Variants in SRGAP3 observed in about 807,000 individuals in gnomAD.
The protein encoded by SRGAP3 is SLIT-ROBO Rho GTPase activating protein 3.
In SRGAP3, 39 loss-of-function variants were observed where a neutral mutation model predicts 121.1. The ratio of observed to expected loss-of-function variants is 0.32; its 90% CI spans 0.25 to 0.42. The LOEUF is 0.42. Ranked by LOEUF, SRGAP3 falls within the 10% of genes least tolerant of loss-of-function variation. The probability of loss-of-function intolerance (pLI) is 1.00; values close to 1 mark genes in which losing one functional copy is unlikely to be tolerated. For synonymous variants in SRGAP3, 601 were observed against 570.0 expected (o/e 1.05, Z -0.77); for missense variants, 1,213 against 1,470.6 (o/e 0.82, Z 2.86).
At chr3:9,282,694 C>G (rs1434725482) in intron 3 of SRGAP3, among the ~76,000 whole-genome samples, 1 of 151,882 alleles carries the variant, frequency 6.6e-6, no homozygotes, top group Non-Finnish European at 1.5e-5. Flanking sequence ...TTTGGCCAAG[C>G]TGGTCTCGAA....
intron 1 of SRGAP3, among the ~76,000 whole-genome samples, chr3:9,237,657 C>T (rs1574921248): frequency 6.6e-6 from 1 of 152,150 alleles, no homozygotes; most frequent in Non-Finnish European, 1.5e-5. Flanking sequence ...AGTGCAAAGG[C>T]CCAAAGCAAG....
intron 3 of SRGAP3, chr3:9,257,651 G>T (rs1157002026): frequency 7.0e-6 from 1 of 143,448 alleles, no homozygotes; most frequent in East Asian, 2.1e-4. Context: ...GCTATAAATA[G>T]ATGATTTTTA....
At chr3:9,300,374 C>T (rs187698803) in intron 3 of SRGAP3, among the ~76,000 whole-genome samples, 3 of 151,598 alleles carry the variant, frequency 2.0e-5, no homozygotes, top group African/African-American at 7.3e-5. Flanking sequence ...CTTTACCCAC[C>T]TTGCCTGCCT....
chr3:9,007,323 T>C (rs532474252), intron 18 of SRGAP3: 1 of 152,292 alleles, frequency 6.6e-6, no homozygotes, highest in East Asian at 1.9e-4. Flanking sequence ...AACTAAATTG[T>C]TCCTGCAATT....
chr3:9,243,248 G>C (rs1953710259), intron 1 of SRGAP3, among the ~76,000 whole-genome samples: 1 of 152,166 alleles, frequency 6.6e-6, no homozygotes, highest in African/African-American at 2.4e-5. Context: ...AGAAGTATTT[G>C]AGGCAAATAG....
At chr3:9,320,026 A>G (rs545210958) in intron 3 of SRGAP3, among the ~76,000 whole-genome samples, 1 of 151,990 alleles carries the variant, frequency 6.6e-6, no homozygotes, top group East Asian at 1.9e-4. Context: ...GTTCATGCCA[A>G]CTGGCTGGGT....
chr3:9,163,192 G>C (rs959125633), intron 1 of SRGAP3, among the ~76,000 whole-genome samples: 2 of 152,174 alleles, frequency 1.3e-5, no homozygotes, highest in African/African-American at 4.8e-5. Flanking sequence ...GAGATCAAGA[G>C]GGATGGAGCC....
intron 2 of SRGAP3, among the ~76,000 whole-genome samples, chr3:9,327,940 C>G (rs188209455): frequency 6.6e-6 from 1 of 152,324 alleles, no homozygotes; most frequent in Admixed American, 6.5e-5. Flanking sequence ...TCATAACCTT[C>G]TTTGCATAGT....
chr3:9,258,959 T>A (rs1954193674), intron 3 of SRGAP3, among the ~76,000 whole-genome samples: 1 of 152,208 alleles, frequency 6.6e-6, no homozygotes. Flanking sequence ...TCCTCGCACT[T>A]AAGAGTTGAA....
intron 1 of SRGAP3, among the ~76,000 whole-genome samples, chr3:9,152,652 C>A (rs1950252794): frequency 6.6e-6 from 1 of 152,198 alleles, no homozygotes; most frequent in South Asian, 2.1e-4. Flanking sequence ...GCTTCCAGTT[C>A]CATCACCAGG....
chr3:9,357,303 A>G (rs1210491687), intron 1 of SRGAP3, among the ~76,000 whole-genome samples: 1 of 152,098 alleles, frequency 6.6e-6, no homozygotes, highest in Non-Finnish European at 1.5e-5. Flanking sequence ...TTCTGTCTCT[A>G]TATATTTGCC....
chr3:9,255,770 A>G (rs1954119027), intron 3 of SRGAP3, among the ~76,000 whole-genome samples: 1 of 152,154 alleles, frequency 6.6e-6, no homozygotes. Context: ...TAACGAAAAC[A>G]ATGCAGGAAA....
intron 10 of SRGAP3, 51 bp downstream of exon 10, chr3:9,047,340 A>G (rs1945337744): frequency 6.4e-7 from 1 of 1,573,724 alleles, no homozygotes; most frequent in Non-Finnish European, 8.7e-7. Context: ...CCACAGTGAG[A>G]GCCAGTGGGG....
chr3:9,013,870 G>A (rs755071903), intron 15 of SRGAP3, 28 bp from the exon 16 acceptor site: 29 of 1,600,058 alleles, frequency 1.8e-5, no homozygotes, highest in Non-Finnish European at 2.1e-5. Flanking sequence ...CTTTCAGCGT[G>A]CCTTTCATCC....
intron 3 of SRGAP3, 32 bp from the exon 4 acceptor site, chr3:9,080,119 G>C (rs368000548): frequency 1.0e-4 from 165 of 1,612,334 alleles, no homozygotes; most frequent in Admixed American, 2.5e-4. Flanking sequence ...GTCAGCGGGG[G>C]AGAAGTTTGC....
intron 10 of SRGAP3, among the ~76,000 whole-genome samples, chr3:9,041,098 T>C (rs1944990184): frequency 1.3e-5 from 2 of 152,252 alleles, no homozygotes; most frequent in South Asian, 4.1e-4. Flanking sequence ...GATTACACGA[T>C]AGTGTAATAA....
At chr3:9,265,750 A>G (rs1353674548) in intron 3 of SRGAP3, among the ~76,000 whole-genome samples, 1 of 149,238 alleles carries the variant, frequency 6.7e-6, no homozygotes, top group Non-Finnish European at 1.5e-5. Flanking sequence ...GTGGAGAAAT[A>G]AGAACACTTT....
chr3:9,002,123 C>A (rs1412708028), intron 18 of SRGAP3, among the ~76,000 whole-genome samples: 1 of 152,112 alleles, frequency 6.6e-6, no homozygotes, highest in East Asian at 1.9e-4. Context: ...TTTCTAACTG[C>A]ACATGGAACG....
intron 3 of SRGAP3, among the ~76,000 whole-genome samples, chr3:9,104,301 C>A (rs978235734): frequency 6.6e-6 from 1 of 152,170 alleles, no homozygotes; most frequent in African/African-American, 2.4e-5. Context: ...CGTTTGTACA[C>A]GAGAAATTCC....
Sources: gnomAD v4.1 joint callset for allele counts (sites outside exome capture counted in the v4.1 genomes callset) on GRCh38, gnomAD v4.1.1 for gene constraint, MANE v1.5 for transcripts, NCBI Gene and HGNC (gene_info 2026-07-23, HGNC 2026-07-21) for gene names.